PPP2R5A: variants seen among roughly 807,000 people sequenced by gnomAD.
The protein encoded by PPP2R5A is serine/threonine-protein phosphatase 2A 56 kDa regulatory subunit alpha isoform.
A neutral mutation model predicts 64.2 loss-of-function variants in PPP2R5A; 25 were observed. The observed-to-expected ratio is 0.39, with a 90% CI of 0.28 to 0.54. The LOEUF is 0.54. PPP2R5A is among the 20% of genes least tolerant of loss of function. PPP2R5A has a pLI of 0.67. For synonymous variants in PPP2R5A, 198 were observed against 201.2 expected (o/e 0.98, Z 0.13); for missense variants, 425 against 576.3 (o/e 0.74, Z 2.69).
chr1:212,322,265 G>GAAGGGA (rs1558147153), intron 1 of PPP2R5A, among the ~76,000 whole-genome samples: 1 of 85,280 alleles, frequency 1.2e-5, no homozygotes, highest in African/African-American at 5.3e-5. Flanking sequence ...GAGAGGGAGA[G>GAAGGGA]GAGGGAGAGG....
intron 1 of PPP2R5A, among the ~76,000 whole-genome samples, chr1:212,292,766 T>C (rs916171912): frequency 1.3e-5 from 2 of 152,220 alleles, no homozygotes; most frequent in African/African-American, 4.8e-5. Context: ...GTTCTCGCTA[T>C]GTTGTCCTGG....
chr1:212,346,018 T>G, intron 5 of PPP2R5A, 85 bp downstream of exon 5: 1 of 1,347,828 alleles, frequency 7.4e-7, no homozygotes, highest in Non-Finnish European at 1.0e-6. Context: ...ATTTGTTTTT[T>G]TGAGACAGGG....
chr1:212,358,630 AC>A, intron 11 of PPP2R5A, 55 bp from the exon 12 acceptor site: 1 of 1,284,490 alleles, frequency 7.8e-7, no homozygotes, highest in Non-Finnish European at 1.1e-6. Context: ...CCATAGTGTT[AC>A]ATTTCCTCTC....
At chr1:212,343,012 A>C (rs1215610248) in intron 4 of PPP2R5A, among the ~76,000 whole-genome samples, 1 of 151,952 alleles carries the variant, frequency 6.6e-6, no homozygotes, top group Non-Finnish European at 1.5e-5. Flanking sequence ...CAGTGGTGCA[A>C]CCTCAGCTCA....
intron 1 of PPP2R5A, among the ~76,000 whole-genome samples, chr1:212,325,591 A>G (rs1396814455): frequency 6.6e-6 from 1 of 152,308 alleles, no homozygotes; most frequent in South Asian, 2.1e-4. Context: ...AAACTCTTTT[A>G]GAACGCAGCC....
At chr1:212,286,361 G>A (rs1294270242) in intron 1 of PPP2R5A, 70 bp downstream of exon 1, 3 of 1,377,622 alleles carry the variant, frequency 2.2e-6, no homozygotes, top group Non-Finnish European at 2.8e-6. Flanking sequence ...CGCCAGCAGA[G>A]CCATTTCCTG....
At position 212,342,296 on chromosome 1, in the gene PPP2R5A, G is replaced by C. The variant is rs1481389002; in HGVS notation, c.573+16G>C. ...CGTACAACAGGTAAGGAACTCTTTT[G>C]TCTTAGATTCTCATATATTCATCTT... On this transcript the variant is annotated intron_variant, in intron 4 of 12. Coordinates refer to ENST00000261461, the MANE Select transcript of PPP2R5A (RefSeq NM_006243.4). 6.2e-7 allele frequency: 1 copy of C among 1,607,634 alleles called. No individual in the cohort carries two copies. Among genetic ancestry groups the C allele is most frequent in the South Asian group, 1.1e-5 (1 of 89,710 alleles).
At chr1:212,342,513 T>G (rs567777349) in intron 4 of PPP2R5A, among the ~76,000 whole-genome samples, 1 of 152,308 alleles carries the variant, frequency 6.6e-6, no homozygotes, top group South Asian at 2.1e-4. Flanking sequence ...AATCCTAAAT[T>G]ATCATAGTTA....
Position 212,349,241 on chromosome 1 carries a change from C to T in PPP2R5A, c.926C>T (p.Pro309Leu), listed in dbSNP as rs758587827. Residue 309 changes from proline to leucine, a missense_variant and splice_region_variant, in exon 8 of 13, where the codon CCA becomes CTA. Physicochemically the swap from Pro to Leu is moderately conservative, Grantham distance 98. Transcript: ENST00000261461. ...FLEKDTTLTEPVIRGLLKFWP... is the reference protein window; with the variant it reads ...FLEKDTTLTELVIRGLLKFWP... ...GAGAAAGATACAACACTAACAGAGC[C>T]AGTAAGTGTTCTATTTATTTTCATG... is the stretch of plus-strand genomic sequence containing the variant. The T allele has an allele frequency of 6.4e-7, 1 of 1,564,478 alleles. No homozygotes were observed. Among genetic ancestry groups the T allele is most frequent in the Admixed American group, 1.8e-5 (1 of 56,188 alleles).
intron 1 of PPP2R5A, chr1:212,302,174 A>G: frequency 7.7e-7 from 1 of 1,303,272 alleles, no homozygotes; most frequent in Non-Finnish European, 1.1e-6. Flanking sequence ...ATTTTCTGGG[A>G]AGATGCATTT....
At position 212,361,705 on chromosome 1, in the gene PPP2R5A, T is replaced by C. The variant is rs1237174926; in HGVS notation, c.*935T>C. 1 of 152,698 alleles carries C rather than the reference T, an allele frequency of 6.5e-6. No homozygotes were observed. The highest frequency in any genetic ancestry group is 1.5e-5 in the Non-Finnish European group (1 of 68,046). The allele number at this position is 152,698 out of a possible 1,614,324, so 9.5% of individuals were successfully genotyped here. On this transcript the variant is annotated 3_prime_UTR_variant, in exon 13 of 13. Coordinates refer to ENST00000261461, the MANE Select transcript of PPP2R5A (RefSeq NM_006243.4). Reference sequence around the variant, plus strand: ...AAAGGTTGACTATATAGAGGTCTTGTATGTTTTTACTTGGTCAAGTATTTC... The same window carrying C: ...AAAGGTTGACTATATAGAGGTCTTGCATGTTTTTACTTGGTCAAGTATTTC...
chr1:212,297,825 C>CTTTT (rs1368421837), intron 1 of PPP2R5A: 14 of 22,086 alleles, frequency 6.3e-4, no homozygotes, highest in East Asian at 2.5e-3. Context: ...TTTTTTTTTT[C>CTTTT]TTTTTTATTT....
intron 8 of PPP2R5A, among the ~76,000 whole-genome samples, chr1:212,356,248 C>T (rs1185768341): frequency 6.6e-6 from 1 of 152,064 alleles, no homozygotes. Flanking sequence ...CTCTCTCACC[C>T]CACCAACTTA....
chr1:212,329,403 T>G, intron 2 of PPP2R5A, 72 bp downstream of exon 2: 1 of 1,238,348 alleles, frequency 8.1e-7, no homozygotes, highest in Non-Finnish European at 1.1e-6. Flanking sequence ...GAATTGAGAC[T>G]GATTTTAAAT....
At chr1:212,320,608 C>T (rs925003889) in intron 1 of PPP2R5A, among the ~76,000 whole-genome samples, 3 of 148,248 alleles carry the variant, frequency 2.0e-5, no homozygotes, top group Non-Finnish European at 4.5e-5. Flanking sequence ...GACGGGGCAG[C>T]TGGCCGGGCG....
chr1:212,320,429 T>G (rs1659250584), intron 1 of PPP2R5A, among the ~76,000 whole-genome samples: 1 of 152,176 alleles, frequency 6.6e-6, no homozygotes, highest in African/African-American at 2.4e-5. Context: ...ACCGCCATTG[T>G]CATCATGGCC....
chr1:212,297,686 A>G (rs1271978708), intron 1 of PPP2R5A: 3 of 152,250 alleles, frequency 2.0e-5, no homozygotes, highest in Admixed American at 6.5e-5. Flanking sequence ...TGATATAAAA[A>G]TGCTTCATTG....
At chr1:212,322,286 A>AG (rs1659321029) in intron 1 of PPP2R5A, among the ~76,000 whole-genome samples, 2 of 120,420 alleles carry the variant, frequency 1.7e-5, no homozygotes, top group Non-Finnish European at 3.4e-5. Flanking sequence ...GAGAGGAGGG[A>AG]GAGGGAGAGC....
intron 1 of PPP2R5A, among the ~76,000 whole-genome samples, chr1:212,291,603 C>T (rs999097337): frequency 3.3e-5 from 5 of 152,230 alleles, no homozygotes; most frequent in Non-Finnish European, 7.3e-5. Flanking sequence ...CCTTTTCTCT[C>T]TGATACTCAT....
Sources: allele counts gnomAD v4.1 joint callset (sites outside exome capture counted in the v4.1 genomes callset), GRCh38; gene constraint gnomAD v4.1.1; transcripts MANE v1.5; gene names NCBI Gene and HGNC (gene_info 2026-07-23, HGNC 2026-07-21).